The following POLR3B variants were observed in gnomAD, a reference collection of about 807,000 sequenced individuals.
The protein encoded by POLR3B is RNA polymerase III subunit B, also known as DNA-directed RNA polymerase III subunit RPC2.
A neutral mutation model predicts 147.4 loss-of-function variants in POLR3B; 96 were observed. The observed-to-expected ratio is 0.65, with a 90% CI of 0.55 to 0.77. POLR3B has a LOEUF of 0.77. Among genes scored for constraint, POLR3B ranks in the 30% least tolerant of loss-of-function variants. The pLI, the probability that POLR3B is intolerant of heterozygous loss-of-function variation, is 0.00. For synonymous variants in POLR3B, 461 were observed against 485.9 expected, an observed-to-expected ratio of 0.95 and a Z score of 0.67; for missense variants, 1,036 against 1,413.5, an observed-to-expected ratio of 0.73 and a Z score of 4.28.
intron 6 of POLR3B, among the ~76,000 whole-genome samples, chr12:106,370,829 G>C (rs2136889027): frequency 6.6e-6 from 1 of 151,942 alleles, no homozygotes; most frequent in South Asian, 2.1e-4. Context: ...ATGGGGTTTT[G>C]CCATGTTGGT....
intron 23 of POLR3B, among the ~76,000 whole-genome samples, chr12:106,484,941 A>C (rs2038317762): frequency 6.6e-6 from 1 of 152,088 alleles, no homozygotes; most frequent in Non-Finnish European, 1.5e-5. Flanking sequence ...GGAGTGACAG[A>C]AGGATGATGG....
intron 23 of POLR3B, among the ~76,000 whole-genome samples, chr12:106,484,336 T>C (rs2038309117): frequency 6.6e-6 from 1 of 152,208 alleles, no homozygotes; most frequent in African/African-American, 2.4e-5. Context: ...CGAGTGCCTA[T>C]ATTGTTGATT....
chr12:106,450,375 T>C (rs1354149867), intron 19 of POLR3B, among the ~76,000 whole-genome samples: 1 of 152,154 alleles, frequency 6.6e-6, no homozygotes, highest in African/African-American at 2.4e-5. Context: ...TTCTCAAAAT[T>C]AAACTTTTGC....
intron 23 of POLR3B, among the ~76,000 whole-genome samples, chr12:106,475,089 G>T (rs1208883666): frequency 7.7e-6 from 1 of 130,158 alleles, no homozygotes; most frequent in Non-Finnish European, 1.6e-5. Context: ...TGGTTTCAAA[G>T]AACATCTTTA....
intron 13 of POLR3B, 118 bp from the exon 14 acceptor site, chr12:106,430,155 C>T (rs1321722981): frequency 5.0e-6 from 4 of 793,976 alleles, no homozygotes; most frequent in Non-Finnish European, 9.1e-6. Context: ...GAATATATGT[C>T]ATGGTTCTAA....
chr12:106,427,182 T>TC lies in POLR3B; in HGVS notation c.1102-15_1102-14insC, dbSNP rs746751383. 2.4e-6 allele frequency: 3 copies of TC among 1,249,276 alleles called. No homozygotes were observed. The South Asian group carries it at 4.8e-5, about 20-fold the overall frequency. 77.4% of individuals were successfully genotyped at this position (1,249,276 alleles called of 1,614,324 possible). On this transcript the variant is annotated splice_polypyrimidine_tract_variant and intron_variant, in intron 12 of 27. Coordinates refer to ENST00000228347, the MANE Select transcript of POLR3B (RefSeq NM_018082.6). ...TTTTTGAAAAATCACCATATACCTT[T>TC]TTTTTTTTTTTTAGCTTTTATCTCT...
intron 10 of POLR3B, among the ~76,000 whole-genome samples, chr12:106,404,668 T>C (rs1164159452): frequency 6.6e-6 from 1 of 152,198 alleles, no homozygotes; most frequent in East Asian, 1.9e-4. Context: ...AACTTCCTTG[T>C]CAGCATTATG....
chr12:106,389,914 A>T (rs1026419290), intron 9 of POLR3B, among the ~76,000 whole-genome samples: 5 of 152,176 alleles, frequency 3.3e-5, no homozygotes, highest in Admixed American at 1.3e-4. Flanking sequence ...CTCTTAAAAA[A>T]GTTGGCTGGG....
chr12:106,358,063 C>T (rs2036413135), intron 1 of POLR3B, 112 bp downstream of exon 1: 5 of 1,547,858 alleles, frequency 3.2e-6, no homozygotes, highest in East Asian at 2.4e-5. Context: ...GCGCATGCGC[C>T]GGGCTTCTGC....
rs556672078 is a variant in POLR3B, at chr12:106,468,178, T to G, written c.2713+4558T>G. 6.6e-5 allele frequency among the ~76,000 whole-genome samples: 10 copies of G among 152,328 alleles called. No individual in the cohort carries two copies. The East Asian group carries it at 9.6e-4, about 15-fold the overall frequency. On this transcript the variant is annotated intron_variant, in intron 23 of 27. Coordinates refer to ENST00000228347, the MANE Select transcript of POLR3B (RefSeq NM_018082.6). ...ATTCAACTTCTTCCTGGTTTAGTCTTGGGAGGGTGTATGTGTCCAGGAATT... is the reference window on the plus strand; with the variant it reads ...ATTCAACTTCTTCCTGGTTTAGTCTGGGGAGGGTGTATGTGTCCAGGAATT...
intron 19 of POLR3B, among the ~76,000 whole-genome samples, chr12:106,449,329 A>G (rs2037767810): frequency 1.3e-5 from 2 of 152,274 alleles, no homozygotes; most frequent in Non-Finnish European, 2.9e-5. Context: ...TTTCTGGTTT[A>G]GGAGCATTTT....
At chr12:106,380,411 CAAAAAAAAAAAA>C (rs147457953) in intron 9 of POLR3B, among the ~76,000 whole-genome samples, 2 of 98,994 alleles carry the variant, frequency 2.0e-5, no homozygotes, top group African/African-American at 3.7e-5. Flanking sequence ...CCATCTCTAC[CAAAAAAAAAAAA>C]AAAAAAAAAA....
intron 23 of POLR3B, among the ~76,000 whole-genome samples, chr12:106,471,046 C>T (rs956924871): frequency 2.0e-5 from 3 of 152,164 alleles, no homozygotes; most frequent in Admixed American, 6.5e-5. Flanking sequence ...GCCTTGCCCC[C>T]AGAGGTAGAA....
At chr12:106,436,636 T>C (rs926602112) in intron 16 of POLR3B, among the ~76,000 whole-genome samples, 2 of 152,220 alleles carry the variant, frequency 1.3e-5, no homozygotes, top group African/African-American at 4.8e-5. Context: ...ATGAGTAGTA[T>C]GCAAAATTTT....
Position 106,496,852 on chromosome 12 carries a change from G to A in POLR3B, c.2918G>A (p.Cys973Tyr). 1 of 1,614,134 alleles carries A rather than the reference G, an allele frequency of 6.2e-7. No individual in the cohort carries two copies. Among genetic ancestry groups the A allele is most frequent in the Non-Finnish European group, 8.5e-7 (1 of 1,180,002 alleles). Residue 973 changes from cysteine (C) to tyrosine (Y), a missense_variant, in exon 25 of 28, where the codon TGT (cysteine) becomes TAT (tyrosine). By Grantham distance (194) the Cys-to-Tyr change is radical (BLOSUM62 -2). Transcript: ENST00000228347. Reference protein sequence around the residue: ...AFGGSKVKDVCEDLVRHGYNY... With the variant: ...AFGGSKVKDVYEDLVRHGYNY... ...GGAGGCAGTAAAGTGAAGGATGTGT[G>A]TGAGGACCTCGTTCGCCATGGTTAT...
Position 106,444,516 on chromosome 12 carries a change from G to A in POLR3B, c.2009G>A (p.Gly670Glu). ...EPFTLLGVCA[G>E]LIPYPHHNQS... The stretch of plus-strand genomic sequence containing the variant: ...TTCACTCTTCTCGGCGTGTGTGCTG[G>A]ACTTATCCCATACCCTCACCATAAC... The change falls in exon 19 of 28, where the codon GGA becomes GAA. Residue 670 changes from glycine to glutamate, a missense_variant. By Grantham distance (98) the Gly-to-Glu change is moderately conservative. Coordinates refer to ENST00000228347, the MANE Select transcript of POLR3B (RefSeq NM_018082.6). 1 of 1,613,762 alleles carries A rather than the reference G, an allele frequency of 6.2e-7. No individual in the cohort carries two copies. The highest frequency in any genetic ancestry group is 8.5e-7 in the Non-Finnish European group (1 of 1,179,888).
intron 12 of POLR3B, among the ~76,000 whole-genome samples, chr12:106,418,633 C>A (rs2037336469): frequency 6.6e-6 from 1 of 152,168 alleles, no homozygotes; most frequent in Non-Finnish European, 1.5e-5. Flanking sequence ...GAGCTGTCAG[C>A]ATTTTTCCCT....
chr12:106,486,107 G>A (rs1205194583), intron 23 of POLR3B, among the ~76,000 whole-genome samples: 1 of 151,832 alleles, frequency 6.6e-6, no homozygotes, highest in Non-Finnish European at 1.5e-5. Flanking sequence ...GGCTAACATG[G>A]TGAAACCCCA....
intron 13 of POLR3B, among the ~76,000 whole-genome samples, chr12:106,427,744 G>T (rs1439446462): frequency 1.3e-5 from 2 of 152,122 alleles, no homozygotes; most frequent in Admixed American, 1.3e-4. Flanking sequence ...TTCACAGGAG[G>T]TTTATATTCT....
Sources: gnomAD v4.1 joint callset for allele counts (sites outside exome capture counted in the v4.1 genomes callset) on GRCh38, gnomAD v4.1.1 for gene constraint, MANE v1.5 for transcripts, NCBI Gene and HGNC (gene_info 2026-07-23, HGNC 2026-07-21) for gene names.